Variants in NIPSNAP3B observed in about 807,000 individuals in gnomAD.
NIPSNAP3B encodes protein NipSnap homolog 3B.
NIPSNAP3B carries 30 observed loss-of-function variants against 31.5 expected under a neutral mutation model. That is an observed-to-expected ratio of 0.95 (90% CI 0.71 to 1.29). The LOEUF is 1.29. Among genes scored for constraint, NIPSNAP3B ranks in the 50% most tolerant of loss-of-function variants. The probability of loss-of-function intolerance (pLI) is 0.00; values close to 1 mark genes in which losing one functional copy is unlikely to be tolerated. For synonymous variants in NIPSNAP3B, 106 were observed against 107.9 expected (o/e 0.98, Z 0.11); for missense variants, 269 against 300.7 (o/e 0.89, Z 0.78).
intron 1 of NIPSNAP3B, among the ~76,000 whole-genome samples, chr9:104,765,179 G>A (rs1828063817): frequency 6.6e-6 from 1 of 152,206 alleles, no homozygotes; most frequent in South Asian, 2.1e-4. Flanking sequence ...ACTCATACTG[G>A]AGATGAATGA....
At chr9:104,787,810 T>C in the NIPSNAP3B span, 1 of 1,610,200 alleles carries the variant, frequency 6.2e-7, no homozygotes, top group African/African-American at 1.3e-5. Flanking sequence ...CTGCTGTCCC[T>C]GGGGGAAGAC....
chr9:104,770,113 A>T (rs2487715), intron 3 of NIPSNAP3B, among the ~76,000 whole-genome samples: 1 of 152,024 alleles, frequency 6.6e-6, no homozygotes, highest in Non-Finnish European at 1.5e-5. Flanking sequence ...AAAACAGTTG[A>T]CTTCTCAGTG....
the NIPSNAP3B span, among the ~76,000 whole-genome samples, chr9:104,789,330 C>T: frequency 2.0e-5 from 3 of 152,310 alleles, no homozygotes; most frequent in Admixed American, 6.5e-5. Context: ...CTGCTATATG[C>T]GTCAGGAGCT....
the NIPSNAP3B span, among the ~76,000 whole-genome samples, chr9:104,788,855 C>T: frequency 6.6e-6 from 1 of 152,192 alleles, no homozygotes; most frequent in African/African-American, 2.4e-5. Context: ...AACCACTGCA[C>T]ATTCTTTACC....
the NIPSNAP3B span, among the ~76,000 whole-genome samples, chr9:104,786,106 A>T: frequency 6.6e-6 from 1 of 152,220 alleles, no homozygotes; most frequent in African/African-American, 2.4e-5. Context: ...CTTGCCCAAG[A>T]GTCACAGAAC....
At position 104,766,481 on chromosome 9, in the gene NIPSNAP3B, T is replaced by C; in HGVS notation, c.217T>C (p.Trp73Arg). 1 of 1,613,816 alleles carries C rather than the reference T, an allele frequency of 6.2e-7. No homozygotes were observed. The highest frequency in any genetic ancestry group is 2.2e-5 in the East Asian group (1 of 44,842). Residue 73 changes from tryptophan to arginine, a missense_variant, in exon 2 of 6, where the codon TGG (tryptophan) becomes CGG (arginine). Trp to Arg is a moderately radical substitution (Grantham distance 101). Coordinates refer to ENST00000374762, the MANE Select transcript of NIPSNAP3B (RefSeq NM_018376.4). Reference protein sequence around the residue: ...RTSYSELVGFWSVEFGGRTNK... With the variant: ...RTSYSELVGFRSVEFGGRTNK... ...CTCTTACTCTGAATTGGTTGGATTC[T>C]GGAGTGTAGAATTTGGAGGCAGAAC...
At chr9:104,790,774 G>C in the NIPSNAP3B span, 3 of 608,286 alleles carry the variant, frequency 4.9e-6, no homozygotes, top group Non-Finnish European at 8.7e-6. Flanking sequence ...AATCATGGAT[G>C]ATTTTATGTG....
chr9:104,787,240 G>A, the NIPSNAP3B span, among the ~76,000 whole-genome samples: 1 of 152,068 alleles, frequency 6.6e-6, no homozygotes, highest in East Asian at 1.9e-4. Context: ...AATAGGGAAG[G>A]AAAAAGGCCA....
At chr9:104,765,905 A>G (rs1476639389) in intron 1 of NIPSNAP3B, among the ~76,000 whole-genome samples, 1 of 152,206 alleles carries the variant, frequency 6.6e-6, no homozygotes, top group South Asian at 2.1e-4. Context: ...GCCAAAAGGC[A>G]TGTGTACTTA....
rs1366604869 is a variant in NIPSNAP3B at position 104,776,613 on chromosome 9, A to G, written c.*3540A>G. ...TTCCCAGCCACTAGATCTGTGAGAA[A>G]GAAATGTTTGTTGTTTAAGCCACCC... On this transcript the variant is annotated 3_prime_UTR_variant, in exon 6 of 6. Transcript: ENST00000374762. 1.3e-5 allele frequency among the ~76,000 whole-genome samples: 2 copies of G among 152,186 alleles called. No homozygotes were observed. The highest frequency in any genetic ancestry group is 3.8e-4 in the East Asian group (2 of 5,198).
chr9:104,770,583 G>C (rs1303962719), intron 3 of NIPSNAP3B, among the ~76,000 whole-genome samples: 1 of 152,108 alleles, frequency 6.6e-6, no homozygotes, highest in Admixed American at 6.5e-5. Context: ...ATATTTCAGA[G>C]TGTAGTTTAT....
At chr9:104,770,663 CAA>C (rs1285379299) in intron 3 of NIPSNAP3B, among the ~76,000 whole-genome samples, 184 bp from the exon 4 acceptor site, 1 of 151,982 alleles carries the variant, frequency 6.6e-6, no homozygotes, top group Non-Finnish European at 1.5e-5. Flanking sequence ...TAAACATGGA[CAA>C]AGACTTTCTA....
At chr9:104,782,968 A>C in the NIPSNAP3B span, 1 of 152,598 alleles carries the variant, frequency 6.6e-6, no homozygotes, top group Admixed American at 6.6e-5. Context: ...ACTGAGACTT[A>C]ATATCTCTCT....
Position 104,775,798 on chromosome 9 carries a change from G to A in NIPSNAP3B, c.*2725G>A, listed in dbSNP as rs1184821834. 6.6e-6 allele frequency among the ~76,000 whole-genome samples: 1 copy of A among 152,090 alleles called. No individual in the cohort carries two copies. Among genetic ancestry groups the A allele is most frequent in the Non-Finnish European group, 1.5e-5 (1 of 67,994 alleles). ...AACTCCAGGTTTCTGTTTTGCTCAG[G>A]CCACAGACTTCAGAGTCATTCTCAC... On this transcript the variant is annotated 3_prime_UTR_variant, in exon 6 of 6. Coordinates refer to ENST00000374762, the MANE Select transcript of NIPSNAP3B (RefSeq NM_018376.4).
intron 3 of NIPSNAP3B, among the ~76,000 whole-genome samples, chr9:104,770,285 A>T (rs1828186294): frequency 6.6e-6 from 1 of 152,134 alleles, no homozygotes; most frequent in African/African-American, 2.4e-5. Context: ...TTAAGCATTT[A>T]CCTGGATATT....
chr9:104,784,790 C>T, the NIPSNAP3B span, among the ~76,000 whole-genome samples: 14 of 152,106 alleles, frequency 9.2e-5, no homozygotes, highest in Admixed American at 2.6e-4. Context: ...ACTACAAGTG[C>T]GCACCACCAT....
At chr9:104,788,401 G>A in the NIPSNAP3B span, 83 of 1,613,904 alleles carry the variant, frequency 5.1e-5, 1 homozygote, top group Non-Finnish European at 6.9e-5. Context: ...AAGGAGACAG[G>A]CTGGCTTTCA....
chr9:104,788,571 C>T, the NIPSNAP3B span: 1 of 1,614,096 alleles, frequency 6.2e-7, no homozygotes, highest in Non-Finnish European at 8.5e-7. Context: ...TAAGATACTG[C>T]AAAGGACAAG....
chr9:104,765,569 A>G (rs774745682), intron 1 of NIPSNAP3B, among the ~76,000 whole-genome samples: 1 of 152,236 alleles, frequency 6.6e-6, no homozygotes, highest in Non-Finnish European at 1.5e-5. Context: ...TGGTTCTTAA[A>G]GGATAGTTCC....
Sources: allele counts gnomAD v4.1 joint callset (sites outside exome capture counted in the v4.1 genomes callset), GRCh38; gene constraint gnomAD v4.1.1; transcripts MANE v1.5; gene names NCBI Gene and HGNC (gene_info 2026-07-23, HGNC 2026-07-21).